Variants in GKAP1 observed in about 807,000 individuals in gnomAD.
GKAP1 encodes G kinase-anchoring protein 1.
In GKAP1, 31 loss-of-function variants were observed where a neutral mutation model predicts 56.7. The observed-to-expected ratio is 0.55, with a 90% CI of 0.41 to 0.74. The LOEUF is 0.74. Among genes scored for constraint, GKAP1 ranks in the 30% least tolerant of loss-of-function variants. The pLI is 0.00. For missense variants in GKAP1, 364 were observed against 402.3 expected, an observed-to-expected ratio of 0.90 and a Z score of 0.82; for synonymous variants, 151 against 138.6, an observed-to-expected ratio of 1.09 and a Z score of -0.63.
At chr9:83,785,394 A>G (rs1307544484) in intron 5 of GKAP1, among the ~76,000 whole-genome samples, 2 of 152,118 alleles carry the variant, frequency 1.3e-5, no homozygotes, top group African/African-American at 4.8e-5. Context: ...TCAAAGTTTA[A>G]AGTTCTACCA....
intron 10 of GKAP1, among the ~76,000 whole-genome samples, chr9:83,745,626 AAT>A (rs2131228194): frequency 6.6e-6 from 1 of 152,290 alleles, no homozygotes; most frequent in African/African-American, 2.4e-5. Flanking sequence ...TCCAATACGC[AAT>A]GATACTCTTC....
intron 6 of GKAP1, among the ~76,000 whole-genome samples, chr9:83,784,317 G>C (rs1944027492): frequency 6.7e-6 from 1 of 149,556 alleles, no homozygotes; most frequent in Non-Finnish European, 1.5e-5. Flanking sequence ...ACAATATTAA[G>C]AGGTAGGATC....
intron 4 of GKAP1, among the ~76,000 whole-genome samples, chr9:83,794,933 A>C (rs968909715): frequency 1.3e-5 from 2 of 151,810 alleles, no homozygotes; most frequent in Non-Finnish European, 2.9e-5. Flanking sequence ...GGAGGGGAGG[A>C]TCATCTGAGG....
rs1004126414 is a variant in GKAP1, at chr9:83,817,644, G to C, written c.-303C>G. On this transcript the variant is annotated 5_prime_UTR_variant, in exon 1 of 13. Coordinates refer to ENST00000376371, the MANE Select transcript of GKAP1 (RefSeq NM_025211.4). ...TGGGTCAAGTGTCGGCAGAGCTGGG[G>C]GCAGGCTCGCGCCGGGCGGGGGTCG... is the stretch of plus-strand genomic sequence containing the variant. 1 of 151,194 alleles carries C rather than the reference G, an allele frequency of 6.6e-6. No homozygotes were observed. Among genetic ancestry groups the C allele is most frequent in the African/African-American group, 2.4e-5 (1 of 41,232 alleles). 9.4% of individuals were successfully genotyped at this position (151,194 alleles called of 1,614,324 possible).
At chr9:83,791,360 G>A (rs1385474472) in intron 4 of GKAP1, among the ~76,000 whole-genome samples, 7 of 151,214 alleles carry the variant, frequency 4.6e-5, no homozygotes, top group Admixed American at 6.6e-5. Flanking sequence ...CCGACATCAC[G>A]CCACTGCACC....
Position 83,799,299 on chromosome 9 carries a change from G to A in GKAP1, c.246C>T (p.Pro82=), listed in dbSNP as rs994470990. 1.3e-6 allele frequency: 2 copies of A among 1,594,338 alleles called. No homozygotes were observed. Among genetic ancestry groups the A allele is most frequent in the Non-Finnish European group, 1.7e-6 (2 of 1,173,934 alleles). Residue 82 remains proline, a synonymous_variant, in exon 4 of 13, where the codon CCC becomes CCT. Transcript: ENST00000376371. ...ELRNLAFKKI[P]QKSSHAVCNA... ...TACAAACAGCATGGGAGGATTTCTG[G>A]GGAATTTTCTTAAAAGCAAGATTCC...
At chr9:83,755,657 C>CA (rs372971569) in intron 8 of GKAP1, among the ~76,000 whole-genome samples, 59 of 145,902 alleles carry the variant, frequency 4.0e-4, no homozygotes, top group South Asian at 2.1e-3. Context: ...TGAAAGATCT[C>CA]AAAAAAAAAC....
chr9:83,745,708 G>GACCC (rs1477012200), intron 10 of GKAP1, among the ~76,000 whole-genome samples: 1 of 151,828 alleles, frequency 6.6e-6, no homozygotes, highest in East Asian at 1.9e-4. Context: ...TTCATTAAAA[G>GACCC]ACCCACATGG....
At chr9:83,744,360 A>T (rs945410197) in intron 10 of GKAP1, among the ~76,000 whole-genome samples, 2 of 152,130 alleles carry the variant, frequency 1.3e-5, no homozygotes, top group Non-Finnish European at 2.9e-5. Context: ...ACCCACATGT[A>T]CTCCTTGAAT....
At chr9:83,776,206 A>G (rs989360492) in intron 7 of GKAP1, among the ~76,000 whole-genome samples, 4 of 152,194 alleles carry the variant, frequency 2.6e-5, no homozygotes, top group African/African-American at 9.6e-5. Context: ...TCTGTTGCTT[A>G]TAACCAAAGA....
At chr9:83,816,166 G>C (rs1480185004) in intron 2 of GKAP1, among the ~76,000 whole-genome samples, 1 of 151,870 alleles carries the variant, frequency 6.6e-6, no homozygotes, top group East Asian at 1.9e-4. Context: ...TCCAGCCTGG[G>C]CAACAAGAGC....
intron 7 of GKAP1, among the ~76,000 whole-genome samples, chr9:83,779,612 TACACACACAC>T (rs10546262): frequency 9.4e-5 from 12 of 127,380 alleles, no homozygotes; most frequent in Admixed American, 8.6e-4. Context: ...TATACACATA[TACACACACAC>T]ACACACACAC....
At chr9:83,767,831 C>T (rs759656930) in intron 8 of GKAP1, among the ~76,000 whole-genome samples, 23 of 152,104 alleles carry the variant, frequency 1.5e-4, no homozygotes, top group Admixed American at 2.0e-4. Context: ...AGATTATAGG[C>T]ATGTGCCACC....
intron 7 of GKAP1, among the ~76,000 whole-genome samples, chr9:83,776,265 A>T (rs1282526048): frequency 6.6e-6 from 1 of 152,226 alleles, no homozygotes; most frequent in Non-Finnish European, 1.5e-5. Flanking sequence ...TAGTAACAAG[A>T]ATGAGCTCAA....
intron 7 of GKAP1, 108 bp from the exon 8 acceptor site, chr9:83,769,078 C>T: frequency 1.4e-6 from 1 of 731,520 alleles, no homozygotes; most frequent in Admixed American, 2.9e-5. Flanking sequence ...CCTAGTCAAC[C>T]ACTAGAAGGA....
At chr9:83,806,208 A>G in intron 3 of GKAP1, 94 bp downstream of exon 3, 2 of 724,138 alleles carry the variant, frequency 2.8e-6, no homozygotes, top group Non-Finnish European at 4.6e-6. Context: ...CCTGTGGAAC[A>G]GGTACTATGG....
intron 8 of GKAP1, among the ~76,000 whole-genome samples, chr9:83,768,581 A>G (rs1036162068): frequency 2.0e-5 from 3 of 152,196 alleles, no homozygotes; most frequent in African/African-American, 7.2e-5. Context: ...AGTGCCTAAC[A>G]GTACATAGCT....
Position 83,806,378 on chromosome 9 carries a change from C to G in GKAP1, c.140G>C (p.Ser47Thr), listed in dbSNP as rs144743604. ...RNTGKSQTLG[S>T]KSTTNEKKRE... is the part of the protein sequence containing the mutation. ...TTTTTTCTCATTTGTAGTTGACTTGCTTCCTAAAGTTTGAGACTTTCCAGT... is the reference window on the plus strand; with the variant it reads ...TTTTTTCTCATTTGTAGTTGACTTGGTTCCTAAAGTTTGAGACTTTCCAGT... Residue 47 changes from serine to threonine, a missense_variant, in exon 3 of 13, where the codon AGC (serine) becomes ACC (threonine). Coordinates refer to ENST00000376371, the MANE Select transcript of GKAP1 (RefSeq NM_025211.4). The G allele has an allele frequency of 1.6e-4, 252 of 1,587,136 alleles. 1 individual carries two copies. The African/African-American group carries it at 1.8e-3, about 11-fold the overall frequency.
chr9:83,803,952 C>G (rs1046598656), intron 3 of GKAP1, among the ~76,000 whole-genome samples: 2 of 150,350 alleles, frequency 1.3e-5, no homozygotes, highest in Non-Finnish European at 3.0e-5. Flanking sequence ...GCGACCCCGT[C>G]TGGGAGGTGA....
Sources: allele counts gnomAD v4.1 joint callset (sites outside exome capture counted in the v4.1 genomes callset), GRCh38; gene constraint gnomAD v4.1.1; transcripts MANE v1.5; gene names NCBI Gene and HGNC (gene_info 2026-07-23, HGNC 2026-07-21).